The following STON2 variants were observed in gnomAD, a reference collection of about 807,000 sequenced individuals.
STON2 encodes the protein stonin 2, also known as stonin-2.
STON2 carries 29 observed loss-of-function variants against 65.7 expected under a neutral mutation model. The ratio of observed to expected loss-of-function variants is 0.44; its 90% CI spans 0.33 to 0.60. The LOEUF is 0.60. STON2 is among the 20% of genes least tolerant of loss of function. STON2 has a pLI of 0.03. For synonymous variants in STON2, 404 were observed against 414.2 expected (o/e 0.98, Z 0.30); for missense variants, 1,054 against 1,118.1 (o/e 0.94, Z 0.82).
chr14:81,357,192 C>G (rs1303032495), intron 4 of STON2, among the ~76,000 whole-genome samples: 3 of 151,220 alleles, frequency 2.0e-5, no homozygotes, highest in Non-Finnish European at 2.9e-5. Context: ...TGAACTCAAA[C>G]AAATTTACAA....
chr14:81,427,700 A>G (rs181363663), intron 1 of STON2, among the ~76,000 whole-genome samples: 19 of 152,204 alleles, frequency 1.2e-4, no homozygotes, highest in African/African-American at 4.6e-4. Flanking sequence ...AACAAAAAGA[A>G]TAAGGATGAG....
intron 6 of STON2, 62 bp downstream of exon 6, chr14:81,276,839 C>A (rs1595277112): frequency 5.2e-6 from 8 of 1,547,004 alleles, no homozygotes; most frequent in Non-Finnish European, 7.0e-6. Context: ...GGATGTGGAA[C>A]TTTGATCTCA....
chr14:81,267,827 A>G lies in STON2; in HGVS notation c.*587T>C. 1 of 985,452 alleles carries G rather than the reference A, an allele frequency of 1.0e-6. No homozygotes were observed. Among genetic ancestry groups the G allele is most frequent in the Non-Finnish European group, 1.2e-6 (1 of 829,950 alleles). 61.0% of individuals were successfully genotyped at this position (985,452 alleles called of 1,614,324 possible). A position where few individuals can be genotyped will look rare whatever the true frequency, so the allele number is the denominator to read the frequency against. On this transcript the variant is annotated 3_prime_UTR_variant, in exon 8 of 8. Coordinates refer to ENST00000614646, the MANE Select transcript of STON2 (RefSeq NM_001394390.1). ...AGAGATGGAAAAAGTGTTCCAATCT[A>G]AACGATCTAGAGCCAGGAGGGAAAT...
chr14:81,397,231 TCCATCTG>T (rs1319526372), intron 2 of STON2, among the ~76,000 whole-genome samples: 3 of 152,100 alleles, frequency 2.0e-5, no homozygotes, highest in Non-Finnish European at 4.4e-5. Context: ...AGCCAACCGG[TCCATCTG>T]CAAGTATTCA....
chr14:81,300,869 T>C (rs1895943480), intron 5 of STON2, among the ~76,000 whole-genome samples: 1 of 152,180 alleles, frequency 6.6e-6, no homozygotes, highest in Non-Finnish European at 1.5e-5. Context: ...ACAAATAGAC[T>C]TGTTCAAGAA....
In STON2 at chr14:81,342,882, G is replaced by A. The variant is rs77705781; in HGVS notation, c.572-18695C>T. ...TGGTTTTGACAGAGGAAAAAGAGTG[G>A]TGGTGGAAGCACAGAGAAATCCGCA... On this transcript the variant is annotated intron_variant, in intron 4 of 7. Transcript: ENST00000614646. Among the ~76,000 whole-genome samples the A allele has an allele frequency of 3.8e-3, 572 of 152,302 alleles. 2 individuals are homozygous for A. Among genetic ancestry groups the A allele is most frequent in the African/African-American group, 0.013 (551 of 41,558 alleles).
chr14:81,333,046 CTTGAG>C, intron 4 of STON2: 1 of 648,186 alleles, frequency 1.5e-6, no homozygotes, highest in Non-Finnish European at 2.7e-6. Context: ...TTGTTGCTTT[CTTGAG>C]TTCTTTTTCT....
chr14:81,429,796 G>A (rs750878520), intron 1 of STON2, among the ~76,000 whole-genome samples: 7 of 152,052 alleles, frequency 4.6e-5, no homozygotes, highest in African/African-American at 1.4e-4. Flanking sequence ...TCAGCTGGGC[G>A]TGATGGTGGG....
In STON2 at chr14:81,260,942, G is replaced by A. The variant is rs985218297; in HGVS notation, c.*7472C>T. ...TTGGGTTCATCCATCCTGACGCACT[G>A]AAATTTATTACAGACATTACAAGAA... is the stretch of plus-strand genomic sequence containing the variant. On this transcript the variant is annotated 3_prime_UTR_variant, in exon 8 of 8. Coordinates refer to ENST00000614646, the MANE Select transcript of STON2 (RefSeq NM_001394390.1). The A allele has an allele frequency of 2.6e-5, 4 of 152,204 alleles. No homozygotes were observed. The highest frequency in any genetic ancestry group is 6.5e-5 in the Admixed American group (1 of 15,274). 9.4% of individuals were successfully genotyped at this position (152,204 alleles called of 1,614,324 possible). A position where few individuals can be genotyped will look rare whatever the true frequency, so the allele number is the denominator to read the frequency against.
rs921596670 is a variant in STON2 at position 81,264,147 on chromosome 14, T to A, written c.*4267A>T. 9.1e-6 allele frequency: 9 copies of A among 985,332 alleles called. No homozygotes were observed. The African/African-American group carries it at 1.4e-4, about 15-fold the overall frequency. The allele number at this position is 985,332 out of a possible 1,614,324, so 61.0% of individuals were successfully genotyped here. On this transcript the variant is annotated 3_prime_UTR_variant, in exon 8 of 8. Transcript: ENST00000614646. The stretch of plus-strand genomic sequence containing the variant: ...ACAAAGCAATCAATCACCGTGACTA[T>A]GGACAGCATCTATGCTACTATGCTT...
rs1273636245 is a variant in STON2, at chr14:81,277,612, G to A, written c.1870C>T (p.Leu624Phe). 6.2e-7 allele frequency: 1 copy of A among 1,614,148 alleles called. No homozygotes were observed. Among genetic ancestry groups the A allele is most frequent in the Admixed American group, 1.7e-5 (1 of 60,016 alleles). Residue 624 changes from leucine (L) to phenylalanine (F), a missense_variant, in exon 6 of 8, where the codon CTT becomes TTT. By Grantham distance (22) the Leu-to-Phe change is conservative. Coordinates refer to ENST00000614646, the MANE Select transcript of STON2 (RefSeq NM_001394390.1). ...ACATCCACTGTAATCTCCTCTTCAA[G>A]GTAGTTGAGGCCAACTGTGCTCAAG... is the stretch of plus-strand genomic sequence containing the variant. Reference protein sequence around the residue: ...MDLSTVGLNYLEEEITVDVRD... With the variant: ...MDLSTVGLNYFEEEITVDVRD...
chr14:81,293,243 G>A (rs1357135228), intron 5 of STON2, among the ~76,000 whole-genome samples: 1 of 146,728 alleles, frequency 6.8e-6, no homozygotes, highest in East Asian at 2.0e-4. Context: ...GTGCGATCTT[G>A]GCTCACTGCA....
intron 1 of STON2, among the ~76,000 whole-genome samples, chr14:81,434,461 A>C (rs1450911450): frequency 1.3e-5 from 2 of 152,224 alleles, no homozygotes; most frequent in Admixed American, 1.3e-4. Context: ...TGCATCTGGA[A>C]GTGGGCTTCT....
intron 4 of STON2, among the ~76,000 whole-genome samples, chr14:81,353,245 G>A (rs1898093593): frequency 1.3e-5 from 2 of 152,186 alleles, no homozygotes; most frequent in Admixed American, 1.3e-4. Flanking sequence ...TCACATCCAT[G>A]TGTTCTCTTT....
intron 2 of STON2, among the ~76,000 whole-genome samples, chr14:81,425,040 G>A (rs73344113): frequency 0.08 from 12,153 of 152,092 alleles, 791 homozygotes; most frequent in East Asian, 0.18. Context: ...AGTAACTCTT[G>A]CAAAACAGAA....
upstream of STON2, among the ~76,000 whole-genome samples, chr14:81,400,866 A>G (rs1266744277): frequency 1.3e-5 from 2 of 152,182 alleles, no homozygotes; most frequent in Non-Finnish European, 2.9e-5. Context: ...TTGTACAGAA[A>G]GAATAATAAA....
chr14:81,366,927 C>G (rs1229513091), intron 4 of STON2, among the ~76,000 whole-genome samples: 1 of 152,148 alleles, frequency 6.6e-6, no homozygotes, highest in Non-Finnish European at 1.5e-5. Flanking sequence ...TTCCATTTTA[C>G]AGATAAGAAA....
chr14:81,387,761 G>C (rs978486068), intron 3 of STON2, among the ~76,000 whole-genome samples: 3 of 150,946 alleles, frequency 2.0e-5, no homozygotes, highest in East Asian at 4.1e-4. Flanking sequence ...GCATGGTGGC[G>C]GGTGCCTGTA....
chr14:81,364,735 G>A (rs754829144), intron 4 of STON2, among the ~76,000 whole-genome samples: 4 of 152,068 alleles, frequency 2.6e-5, no homozygotes, highest in Non-Finnish European at 4.4e-5. Context: ...GGGGCACAGC[G>A]TGACCTAATA....
Sources: gnomAD v4.1 joint callset for allele counts (sites outside exome capture counted in the v4.1 genomes callset) on GRCh38, gnomAD v4.1.1 for gene constraint, MANE v1.5 for transcripts, NCBI Gene and HGNC (gene_info 2026-07-23, HGNC 2026-07-21) for gene names.